Variants in EYS observed in about 807,000 individuals in gnomAD.
EYS encodes EGF-like photoreceptor maintenance factor, also known as protein eyes shut homolog.
EYS carries 250 observed loss-of-function variants against 282.1 expected under a neutral mutation model. The observed-to-expected ratio is 0.89, with a 90% CI of 0.80 to 0.98. The LOEUF is 0.98. EYS is among the 50% of genes least tolerant of loss of function. EYS has a pLI of 0.00. For missense variants in EYS, 4,016 were observed against 3,709.0 expected (o/e 1.08, Z -2.15); for synonymous variants, 1,355 against 1,282.9 (o/e 1.06, Z -1.20).
chr6:64,576,272 T>C (rs897807220), intron 26 of EYS, among the ~76,000 whole-genome samples: 3 of 152,064 alleles, frequency 2.0e-5, no homozygotes, highest in Non-Finnish European at 4.4e-5. Flanking sequence ...GATCAGTGCG[T>C]TTCCTACTTG....
intron 1 of EYS, among the ~76,000 whole-genome samples, chr6:65,660,360 T>C (rs1440308656): frequency 6.6e-6 from 1 of 151,834 alleles, no homozygotes; most frequent in East Asian, 1.9e-4. Flanking sequence ...CTCTTGTATT[T>C]ATTTAATTTA....
rs530662402 is a variant in EYS, at chr6:64,789,138, T to C, written c.3443+24240A>G. Among the ~76,000 whole-genome samples the C allele has an allele frequency of 9.2e-5, 14 of 152,338 alleles. 1 individual carries two copies. The South Asian group carries it at 1.5e-3, about 16-fold the overall frequency. On this transcript the variant is annotated intron_variant, in intron 22 of 42. Transcript: ENST00000503581. ...GACCTAAGTCACAATTCCAGTCTTA[T>C]CCACTTCTATTTTCAACTGAAACAA...
intron 13 of EYS, among the ~76,000 whole-genome samples, chr6:65,011,854 G>A (rs545933861): frequency 4.9e-4 from 74 of 152,176 alleles, no homozygotes; most frequent in Non-Finnish European, 9.0e-4. Flanking sequence ...ACAGCGGGAG[G>A]GACAATGATC....
At chr6:63,838,278 C>G (rs1476100546) in intron 36 of EYS, among the ~76,000 whole-genome samples, 1 of 150,818 alleles carries the variant, frequency 6.6e-6, no homozygotes, top group African/African-American at 2.4e-5. Context: ...GTGTTAAAAG[C>G]TGGAAGTGAT....
chr6:64,310,595 G>T lies in EYS; in HGVS notation c.6079-3513C>A, dbSNP rs550009737. On this transcript the variant is annotated intron_variant, in intron 29 of 42. Coordinates refer to ENST00000503581, the MANE Select transcript of EYS (RefSeq NM_001142800.2). ...GTCTATTGCCTATTGGAGGGTAGAG[G>T]GTGGAAGAAGGGAGAGGATGAGGAA... Among the ~76,000 whole-genome samples the T allele has an allele frequency of 3.9e-5, 6 of 152,206 alleles. No individual in the cohort carries two copies. In the South Asian group the frequency reaches 1.2e-3, roughly 31 times the overall value.
At chr6:65,378,112 G>C (rs1268645960) in intron 8 of EYS, among the ~76,000 whole-genome samples, 3 of 152,136 alleles carry the variant, frequency 2.0e-5, no homozygotes, top group African/African-American at 7.2e-5. Context: ...CAGAATGGGA[G>C]AAAAGTTCTG....
rs183207677 is a variant in EYS at position 65,380,370 on chromosome 6, A to G, written c.1299+4016T>C. Among the ~76,000 whole-genome samples the G allele has an allele frequency of 1.1e-4, 17 of 152,292 alleles. No individual in the cohort carries two copies. The East Asian group carries it at 1.5e-3, about 14-fold the overall frequency. On this transcript the variant is annotated intron_variant, in intron 8 of 42. Coordinates refer to ENST00000503581, the MANE Select transcript of EYS (RefSeq NM_001142800.2). ...AACATGACAAAAACAAGCAATGGGG[A>G]AAGAATTCCCTATTTAATAAATGGT...
At chr6:64,014,284 T>G (rs1395462943) in intron 33 of EYS, among the ~76,000 whole-genome samples, 1 of 152,062 alleles carries the variant, frequency 6.6e-6, no homozygotes, top group Non-Finnish European at 1.5e-5. Context: ...AAAGGCCATG[T>G]GTGTCCCTGC....
intron 36 of EYS, among the ~76,000 whole-genome samples, chr6:63,810,286 A>G (rs1304726872): frequency 6.7e-6 from 1 of 148,496 alleles, no homozygotes; most frequent in Non-Finnish European, 1.5e-5. Flanking sequence ...ACAAAAAACC[A>G]AAACAAAGAC....
At chr6:64,824,423 C>T (rs1448803405) in intron 19 of EYS, among the ~76,000 whole-genome samples, 1 of 151,888 alleles carries the variant, frequency 6.6e-6, no homozygotes, top group Non-Finnish European at 1.5e-5. Context: ...TATAGGCATG[C>T]ATCAAAAACA....
chr6:65,548,792 A>C (rs1768489940), intron 2 of EYS, among the ~76,000 whole-genome samples: 1 of 152,228 alleles, frequency 6.6e-6, no homozygotes, highest in Admixed American at 6.5e-5. Context: ...CTCTGGATAC[A>C]AATACACAGA....
rs1205689761 is a variant in EYS at position 64,573,706 on chromosome 6, C to T, written c.5644+16517G>A. Among the ~76,000 whole-genome samples, 4 of 152,100 alleles carry T rather than the reference C, an allele frequency of 2.6e-5. No homozygotes were observed. In the East Asian group the frequency reaches 7.7e-4, roughly 29 times the overall value. Reference sequence around the variant, plus strand: ...ATCATCAGTGGTCATTAGAGGAATGCAAATCAAAACCACAATGAGATGCCA... The same window carrying T: ...ATCATCAGTGGTCATTAGAGGAATGTAAATCAAAACCACAATGAGATGCCA... On this transcript the variant is annotated intron_variant, in intron 26 of 42. Coordinates refer to ENST00000503581, the MANE Select transcript of EYS (RefSeq NM_001142800.2).
chr6:65,325,328 A>C (rs1332101657), intron 11 of EYS, among the ~76,000 whole-genome samples: 1 of 152,130 alleles, frequency 6.6e-6, no homozygotes, highest in Admixed American at 6.6e-5. Context: ...ATTTTAAATA[A>C]ATTTTTAAGC....
chr6:64,963,731 A>G (rs17739511), intron 14 of EYS, among the ~76,000 whole-genome samples: 10,238 of 152,284 alleles, frequency 0.067, 433 homozygotes, highest in East Asian at 0.13. Flanking sequence ...AACAGATTTT[A>G]GTCAATTTCC....
chr6:64,156,862 G>T (rs1020406599), intron 31 of EYS, among the ~76,000 whole-genome samples: 2 of 148,720 alleles, frequency 1.3e-5, no homozygotes, highest in African/African-American at 5.0e-5. Context: ...AAGGCATTCA[G>T]TTTTTTTTTT....
At chr6:64,036,072 C>T (rs1190750805) in intron 33 of EYS, among the ~76,000 whole-genome samples, 1 of 152,178 alleles carries the variant, frequency 6.6e-6, no homozygotes, top group East Asian at 1.9e-4. Flanking sequence ...AAGAAGTAAT[C>T]TTCTAAGAGA....
chr6:65,058,094 A>C (rs1773468824), intron 12 of EYS, among the ~76,000 whole-genome samples: 1 of 152,130 alleles, frequency 6.6e-6, no homozygotes, highest in African/African-American at 2.4e-5. Context: ...AACGAAAAGA[A>C]AATATTGGTG....
chr6:65,563,130 T>C (rs6914352), intron 2 of EYS, among the ~76,000 whole-genome samples: 2,103 of 152,220 alleles, frequency 0.014, 41 homozygotes, highest in African/African-American at 0.047. Flanking sequence ...GAATAAATTG[T>C]TCAAACAATT....
intron 14 of EYS, among the ~76,000 whole-genome samples, chr6:64,977,947 G>C (rs529465055): frequency 4.6e-5 from 7 of 151,990 alleles, no homozygotes; most frequent in Admixed American, 3.3e-4. Flanking sequence ...AAGGAAAAAG[G>C]CTATCTCTAA....
Sources: gnomAD v4.1 joint callset for allele counts (sites outside exome capture counted in the v4.1 genomes callset) on GRCh38, gnomAD v4.1.1 for gene constraint, MANE v1.5 for transcripts, NCBI Gene and HGNC (gene_info 2026-07-23, HGNC 2026-07-21) for gene names.